Variants in UNC13C observed in about 807,000 individuals in gnomAD.
The protein encoded by UNC13C is unc-13 homolog C, also known as protein unc-13 homolog C.
Under a neutral mutation model 245.4 loss-of-function variants are expected in UNC13C, and 174 were observed. The ratio of observed to expected loss-of-function variants is 0.71; its 90% CI spans 0.63 to 0.80. The LOEUF (loss-of-function observed/expected upper bound fraction) is 0.80. Among genes scored for constraint, UNC13C ranks in the 30% least tolerant of loss-of-function variants. The pLI is 0.00. For missense variants in UNC13C, 2,829 were observed against 2,602.9 expected (o/e 1.09, Z -1.89); for synonymous variants, 992 against 895.1 (o/e 1.11, Z -1.93).
At chr15:54,196,772 T>C (rs1324764870) in intron 4 of UNC13C, among the ~76,000 whole-genome samples, 1 of 152,174 alleles carries the variant, frequency 6.6e-6, no homozygotes, top group Non-Finnish European at 1.5e-5. Flanking sequence ...CTAAAAGTCC[T>C]TCATAATTTT....
intron 13 of UNC13C, among the ~76,000 whole-genome samples, chr15:54,305,032 C>G (rs1254568981): frequency 6.6e-6 from 1 of 151,984 alleles, no homozygotes; most frequent in Admixed American, 6.6e-5. Context: ...TAGAGGTGCA[C>G]TTCAATTCTA....
chr15:54,123,976 T>G (rs920065130), intron 2 of UNC13C, among the ~76,000 whole-genome samples: 1 of 152,182 alleles, frequency 6.6e-6, no homozygotes, highest in African/African-American at 2.4e-5. Context: ...ACTGGCTTTT[T>G]TCACTTAGCA....
intron 18 of UNC13C, among the ~76,000 whole-genome samples, chr15:54,403,999 C>T (rs2040241828): frequency 6.6e-6 from 1 of 152,078 alleles, no homozygotes; most frequent in Non-Finnish European, 1.5e-5. Flanking sequence ...AAAATTTATG[C>T]TTAGTTGTTC....
the UNC13C span, among the ~76,000 whole-genome samples, chr15:53,915,732 T>C: frequency 7.9e-5 from 12 of 152,340 alleles, no homozygotes; most frequent in African/African-American, 2.9e-4. Context: ...AGCAAACATT[T>C]TAAAAGTCTA....
intron 13 of UNC13C, among the ~76,000 whole-genome samples, chr15:54,308,226 A>G (rs1283229602): frequency 1.3e-5 from 2 of 151,886 alleles, no homozygotes; most frequent in African/African-American, 4.8e-5. Flanking sequence ...TTTTTGTTCA[A>G]CAATAGCAAG....
the UNC13C span, among the ~76,000 whole-genome samples, chr15:53,939,824 A>AGG: frequency 1.3e-5 from 2 of 152,122 alleles, no homozygotes; most frequent in African/African-American, 2.4e-5. Context: ...AGAGAGAGAG[A>AGG]GAGAGAGAGA....
chr15:54,322,036 A>C lies in UNC13C; in HGVS notation c.4366A>C (p.Thr1456Pro). ...TATAAATGCTTTTTATGCTCACACA[A>C]CAGTTTCAACAAACATACAGGTTTC... ...ANINAFYAHT[T>P]VSTNIQVSAS... is the part of the protein sequence containing the mutation. Residue 1456 changes from threonine (T) to proline (P), a missense_variant, in exon 14 of 33, where the codon ACA becomes CCA. Physicochemically the swap from Thr to Pro is conservative, Grantham distance 38 (BLOSUM62 -1). Coordinates refer to ENST00000260323, the MANE Select transcript of UNC13C (RefSeq NM_001080534.3). 1.3e-6 allele frequency: 2 copies of C among 1,591,490 alleles called. No homozygotes were observed. Among genetic ancestry groups the C allele is most frequent in the Non-Finnish European group, 1.7e-6 (2 of 1,167,688 alleles).
rs56041311 is a variant in UNC13C, at chr15:54,538,133, C to CAAAAAAAAAAAAAAAAAAAAAAA, written c.5696+5076_5696+5098dup. Reference sequence around the variant, plus strand: ...TAAGGAGCTTAAATACATTAACAAGCAAAAAAAAAAAAAAAAAAAAAAAAA... The same window carrying CAAAAAAAAAAAAAAAAAAAAAAA: ...TAAGGAGCTTAAATACATTAACAAGCAAAAAAAAAAAAAAAAAAAAAAAAAAAAAAAAAAAAAAAAAAAAAAAA... On this transcript the variant is annotated intron_variant, in intron 26 of 32. Transcript: ENST00000260323. Among the ~76,000 whole-genome samples the CAAAAAAAAAAAAAAAAAAAAAAA allele has an allele frequency of 4.9e-4, 5 of 10,248 alleles. 2 individuals are homozygous for CAAAAAAAAAAAAAAAAAAAAAAA. The highest frequency in any genetic ancestry group is 1.2e-3 in the Non-Finnish European group (5 of 4,084). The allele number at this position is 10,248 out of a possible 152,430, so 6.7% of individuals were successfully genotyped here. A position where few individuals can be genotyped will look rare whatever the true frequency, so the allele number is the denominator to read the frequency against.
chr15:54,339,955 A>G (rs1477610392), intron 17 of UNC13C, among the ~76,000 whole-genome samples: 2 of 151,882 alleles, frequency 1.3e-5, no homozygotes, highest in African/African-American at 4.8e-5. Context: ...AACGTCTATT[A>G]TTTTTTATGT....
intron 17 of UNC13C, among the ~76,000 whole-genome samples, chr15:54,371,596 T>C (rs1395603763): frequency 1.3e-5 from 2 of 152,174 alleles, no homozygotes; most frequent in African/African-American, 4.8e-5. Flanking sequence ...TTAAAAGTTT[T>C]GCCATTCTGT....
chr15:54,478,632 T>C (rs902526717), intron 19 of UNC13C, among the ~76,000 whole-genome samples: 20 of 151,896 alleles, frequency 1.3e-4, no homozygotes, highest in African/African-American at 4.8e-4. Context: ...TGAGTGAGTT[T>C]CTTAATCCTG....
At chr15:53,926,959 G>A in the UNC13C span, among the ~76,000 whole-genome samples, 6 of 152,272 alleles carry the variant, frequency 3.9e-5, no homozygotes, top group Admixed American at 1.3e-4. Context: ...GTTACTTTCC[G>A]TGAGTAAGCA....
the UNC13C span, among the ~76,000 whole-genome samples, chr15:53,860,898 A>G: frequency 6.6e-6 from 1 of 152,188 alleles, no homozygotes; most frequent in Non-Finnish European, 1.5e-5. Context: ...GTTGTGATCA[A>G]CTGAAGTTCC....
At chr15:53,993,082 G>A (rs1894462882) in intron 1 of UNC13C, among the ~76,000 whole-genome samples, 2 of 152,038 alleles carry the variant, frequency 1.3e-5, no homozygotes, top group East Asian at 1.9e-4. Flanking sequence ...TGAGGACATA[G>A]ATAAAATATC....
At chr15:54,117,610 C>T (rs2030358604) in intron 2 of UNC13C, among the ~76,000 whole-genome samples, 1 of 151,270 alleles carries the variant, frequency 6.6e-6, no homozygotes, top group Admixed American at 6.6e-5. Flanking sequence ...CAGACAGGGT[C>T]TCACTCTGTT....
rs1340319567 is a variant in UNC13C, at chr15:54,012,914, A to AT, written c.17dup (p.Lys7GlnfsTer10). ...CACTAATTGCTCTCCATGGTGGCTA[A>AT]TTTTTTCAAGAGCTTGATTTTACCT... On this transcript the variant is annotated frameshift_variant, in exon 2 of 33. Transcript: ENST00000260323. LOFTEE classifies it high-confidence loss of function. The AT allele has an allele frequency of 6.3e-7, 1 of 1,596,540 alleles. No individual in the cohort carries two copies. The highest frequency in any genetic ancestry group is 1.7e-4 in the Middle Eastern group (1 of 5,934).
the UNC13C span, among the ~76,000 whole-genome samples, chr15:53,863,582 ACAAT>A: frequency 1.3e-5 from 2 of 152,198 alleles, no homozygotes; most frequent in Admixed American, 6.5e-5. Context: ...TCAAGTGTCA[ACAAT>A]CAGAGATTTG....
chr15:54,062,000 A>C (rs763541331), intron 2 of UNC13C, among the ~76,000 whole-genome samples: 2 of 152,140 alleles, frequency 1.3e-5, no homozygotes, highest in Non-Finnish European at 2.9e-5. Flanking sequence ...GGAGTGACTC[A>C]AGATGACTTC....
At chr15:53,961,872 T>G in the UNC13C span, among the ~76,000 whole-genome samples, 1 of 152,156 alleles carries the variant, frequency 6.6e-6, no homozygotes, top group Non-Finnish European at 1.5e-5. Context: ...TACTTCTTAG[T>G]GTCAAAAATT....
Sources: allele counts gnomAD v4.1 joint callset (sites outside exome capture counted in the v4.1 genomes callset), GRCh38; gene constraint gnomAD v4.1.1; transcripts MANE v1.5; gene names NCBI Gene and HGNC (gene_info 2026-07-23, HGNC 2026-07-21).